Variants in MAJIN observed in about 807,000 individuals in gnomAD.
MAJIN encodes membrane anchored junction protein.
In MAJIN, 27 loss-of-function variants were observed where a neutral mutation model predicts 30.2. The observed-to-expected ratio is 0.89, with a 90% confidence interval of 0.66 to 1.23. The LOEUF (loss-of-function observed/expected upper bound fraction) is 1.23. MAJIN is among the 50% of genes most tolerant of loss of function. The pLI is 0.00. For missense variants in MAJIN, 253 were observed against 260.3 expected (o/e 0.97, Z 0.19); for synonymous variants, 78 against 91.6 (o/e 0.85, Z 0.85).
chr11:64,948,115 C>G (rs1357008015), intron 6 of MAJIN, among the ~76,000 whole-genome samples: 2 of 152,042 alleles, frequency 1.3e-5, no homozygotes, highest in Non-Finnish European at 2.9e-5. Context: ...CCTGCCTTGG[C>G]CTCCCAAAGT....
intron 1 of MAJIN, among the ~76,000 whole-genome samples, chr11:64,964,651 AT>A (rs946086547): frequency 1.3e-5 from 2 of 150,660 alleles, no homozygotes; most frequent in African/African-American, 4.9e-5. Flanking sequence ...CTGCAGTATG[AT>A]GTCGGCTCAC....
chr11:64,962,891 C>T (rs1945749143), intron 1 of MAJIN, among the ~76,000 whole-genome samples: 1 of 152,212 alleles, frequency 6.6e-6, no homozygotes, highest in African/African-American at 2.4e-5. Flanking sequence ...CTTTAGGAGG[C>T]TCAGGTGGGC....
rs746932402 is a variant in MAJIN, at chr11:64,969,492, TAAAA to T, written c.-65+2381_-65+2384del. Reference sequence around the variant, plus strand: ...ACGACATGACCAGATGGCTGTGACTTAAAAAAAAAAAAAAATCCCTCCTGGCTGC... The same window carrying T: ...ACGACATGACCAGATGGCTGTGACTTAAAAAAAAAAATCCCTCCTGGCTGC... On this transcript the variant is annotated intron_variant, in intron 1 of 10. Coordinates refer to ENST00000301896, the MANE Select transcript of MAJIN (RefSeq NM_001037225.3). 2.9e-5 allele frequency among the ~76,000 whole-genome samples: 4 copies of T among 138,948 alleles called. No homozygotes were observed. In the Admixed American group the frequency reaches 2.9e-4, roughly 10 times the overall value. The allele number at this position is 138,948 out of a possible 152,430, so 91.2% of individuals were successfully genotyped here.
chr11:64,939,615 G>A (rs750903005), intron 10 of MAJIN, 47 bp downstream of exon 10: 38 of 1,536,888 alleles, frequency 2.5e-5, no homozygotes, highest in Non-Finnish European at 3.0e-5. Flanking sequence ...TCAATGAGCC[G>A]CTCTGAGCTG....
intron 8 of MAJIN, 107 bp downstream of exon 8, chr11:64,947,267 G>T: frequency 1.1e-6 from 1 of 880,810 alleles, no homozygotes; most frequent in Non-Finnish European, 1.7e-6. Context: ...TACTGATGAA[G>T]TCCTGCAAAA....
intron 1 of MAJIN, among the ~76,000 whole-genome samples, chr11:64,965,110 A>G (rs887691639): frequency 6.6e-6 from 1 of 152,216 alleles, no homozygotes; most frequent in African/African-American, 2.4e-5. Flanking sequence ...TGGAACAGGA[A>G]GAGACTAATG....
At chr11:64,969,987 A>T (rs376151905) in intron 1 of MAJIN, among the ~76,000 whole-genome samples, 23 of 152,268 alleles carry the variant, frequency 1.5e-4, no homozygotes, top group East Asian at 1.4e-3. Flanking sequence ...CCAATGAGAT[A>T]GCCAAAGAGA....
chr11:64,966,656 C>T (rs574938461), intron 1 of MAJIN, among the ~76,000 whole-genome samples: 6 of 151,874 alleles, frequency 4.0e-5, no homozygotes, highest in South Asian at 2.1e-4. Flanking sequence ...CGTGGCCAGG[C>T]GTGCAGTAGC....
At chr11:64,957,614 G>C (rs970948068) in intron 3 of MAJIN, among the ~76,000 whole-genome samples, 67 of 151,946 alleles carry the variant, frequency 4.4e-4, no homozygotes, top group African/African-American at 1.6e-3. Flanking sequence ...ATGTTGACCA[G>C]GCTGCTCTTG....
chr11:64,963,780 G>C (rs976340255), intron 1 of MAJIN, among the ~76,000 whole-genome samples: 8 of 152,010 alleles, frequency 5.3e-5, no homozygotes, highest in African/African-American at 1.9e-4. Context: ...TGGAGGCTGC[G>C]ATGAACCAAG....
intron 8 of MAJIN, chr11:64,946,113 T>G: frequency 6.5e-7 from 1 of 1,535,406 alleles, no homozygotes; most frequent in Non-Finnish European, 8.7e-7. Flanking sequence ...ACAGGGGGCT[T>G]CTTTTTGCTG....
intron 5 of MAJIN, 137 bp from the exon 6 acceptor site, chr11:64,950,005 A>C: frequency 8.2e-7 from 1 of 1,216,564 alleles, no homozygotes; most frequent in Admixed American, 2.2e-5. Context: ...TTTGAGTCTA[A>C]AATGTGAGCT....
intron 1 of MAJIN, among the ~76,000 whole-genome samples, chr11:64,964,663 C>T (rs1036362906): frequency 6.6e-5 from 10 of 151,782 alleles, no homozygotes; most frequent in Non-Finnish European, 1.2e-4. Flanking sequence ...GTCGGCTCAC[C>T]GTAACCTCTG....
chr11:64,965,161 A>G (rs1028764316), intron 1 of MAJIN, among the ~76,000 whole-genome samples: 1 of 152,214 alleles, frequency 6.6e-6, no homozygotes, highest in Non-Finnish European at 1.5e-5. Context: ...TATTGACATC[A>G]TTCTGTTTTC....
intron 1 of MAJIN, among the ~76,000 whole-genome samples, chr11:64,966,870 G>T (rs1945818795): frequency 6.7e-6 from 1 of 149,966 alleles, no homozygotes; most frequent in Admixed American, 6.7e-5. Context: ...GGAGATGGAG[G>T]TTGTAGTGAG....
intron 8 of MAJIN, among the ~76,000 whole-genome samples, chr11:64,942,086 C>A (rs1440050704): frequency 6.6e-6 from 1 of 152,168 alleles, no homozygotes; most frequent in Non-Finnish European, 1.5e-5. Context: ...AGTAAACACC[C>A]TGATAATCAG....
Position 64,938,569 on chromosome 11 carries a change from G to A in MAJIN, c.*6C>T, listed in dbSNP as rs1394233938. On this transcript the variant is annotated 3_prime_UTR_variant, in exon 11 of 11. Coordinates refer to ENST00000301896, the MANE Select transcript of MAJIN (RefSeq NM_001037225.3). ...CTGAAGAAATATCGAAACGGGAAGA[G>A]AGAGCTGCAAGAATGAGAACAGAGT... The A allele has an allele frequency of 6.5e-7, 1 of 1,535,864 alleles. No individual in the cohort carries two copies. Among genetic ancestry groups the A allele is most frequent in the Non-Finnish European group, 8.7e-7 (1 of 1,146,726 alleles).
intron 1 of MAJIN, among the ~76,000 whole-genome samples, chr11:64,960,922 A>C (rs1437323595): frequency 1.3e-5 from 2 of 152,234 alleles, no homozygotes; most frequent in Non-Finnish European, 2.9e-5. Context: ...TATTTAGACT[A>C]GAATTGCAGT....
intron 3 of MAJIN, among the ~76,000 whole-genome samples, chr11:64,956,645 A>C (rs1590701377): frequency 6.6e-6 from 1 of 152,290 alleles, no homozygotes; most frequent in East Asian, 1.9e-4. Flanking sequence ...CATTAAAAAA[A>C]AAACAAACCC....
Sources: allele counts gnomAD v4.1 joint callset (sites outside exome capture counted in the v4.1 genomes callset), GRCh38; gene constraint gnomAD v4.1.1; transcripts MANE v1.5; gene names NCBI Gene and HGNC (gene_info 2026-07-23, HGNC 2026-07-21).